FAM193A: variants seen among roughly 807,000 people sequenced by gnomAD.
FAM193A encodes the protein family with sequence similarity 193 member A.
Under a neutral mutation model 126.5 loss-of-function variants are expected in FAM193A, and 22 were observed. The observed-to-expected ratio is 0.17, with a 90% CI of 0.12 to 0.25. The LOEUF is 0.25. FAM193A is among the 10% of genes least tolerant of loss of function. The pLI is 1.00. For missense variants in FAM193A, 1,675 were observed against 1,672.8 expected, an observed-to-expected ratio of 1.00 and a Z score of -0.02; for synonymous variants, 761 against 646.8, an observed-to-expected ratio of 1.18 and a Z score of -2.68.
chr4:2,584,426 A>C (rs1416129333), intron 1 of FAM193A, among the ~76,000 whole-genome samples: 1 of 131,238 alleles, frequency 7.6e-6, no homozygotes, highest in Non-Finnish European at 1.6e-5. Flanking sequence ...ATTCCGTCTC[A>C]AAAAAAAAAA....
intron 1 of FAM193A, among the ~76,000 whole-genome samples, chr4:2,549,893 A>G (rs1737804183): frequency 6.7e-6 from 1 of 148,338 alleles, no homozygotes; most frequent in Non-Finnish European, 1.5e-5. Context: ...GCACCTGGCT[A>G]ATTTTTTGTA....
chr4:2,617,672 A>G (rs554813027), intron 2 of FAM193A, among the ~76,000 whole-genome samples: 17 of 152,004 alleles, frequency 1.1e-4, no homozygotes, highest in South Asian at 2.1e-4. Context: ...TTCAGCCTCT[A>G]CTCTCAAAGA....
In FAM193A at chr4:2,663,156, TGAA is replaced by T. The variant is rs769042952; in HGVS notation, c.1952_1954del (p.Glu651del). The stretch of plus-strand genomic sequence containing the variant: ...GCAGTAGTTCCTCAGAAGCTGATGA[TGAA>T]GAAGCGGACGGCGAGAGTAGTGGGG... On this transcript the variant is annotated inframe_deletion, in exon 12 of 21. Transcript: ENST00000637812. 1 of 1,614,154 alleles carries T rather than the reference TGAA, an allele frequency of 6.2e-7. No individual in the cohort carries two copies. Among genetic ancestry groups the T allele is most frequent in the South Asian group, 1.1e-5 (1 of 91,082 alleles).
intron 13 of FAM193A, among the ~76,000 whole-genome samples, chr4:2,672,754 A>G (rs35497554): frequency 1.3e-5 from 2 of 152,314 alleles, no homozygotes; most frequent in Middle Eastern, 3.4e-3. Context: ...TGTGAATACA[A>G]CATGAGTCCT....
chr4:2,613,459 C>CTT (rs1330182508), intron 2 of FAM193A, among the ~76,000 whole-genome samples: 3 of 101,644 alleles, frequency 3.0e-5, no homozygotes, highest in African/African-American at 7.1e-5. Flanking sequence ...TGGTAGGTTT[C>CTT]TTTTTTTTTT....
chr4:2,696,633 AGGGCATTT>A lies in FAM193A; in HGVS notation c.3507+42_3507+49del, dbSNP rs1560581237. ...TCAGCACCTGGAGGCGCCAGGTCTG[AGGGCATTT>A]GAAGGTGCCGTGCCACGCCAGTCTC... is the stretch of plus-strand genomic sequence containing the variant. On this transcript the variant is annotated intron_variant, in intron 18 of 20. Coordinates refer to ENST00000637812, the MANE Select transcript of FAM193A (RefSeq NM_001366318.2). 2.6e-6 allele frequency: 4 copies of A among 1,535,106 alleles called. No individual in the cohort carries two copies. The Admixed American group carries it at 5.2e-5, about 20-fold the overall frequency.
chr4:2,584,216 A>G (rs1022130326), intron 1 of FAM193A, among the ~76,000 whole-genome samples: 8 of 152,128 alleles, frequency 5.3e-5, no homozygotes, highest in African/African-American at 1.7e-4. Context: ...ATCTCTCCCT[A>G]TGGAATCACC....
intron 6 of FAM193A, among the ~76,000 whole-genome samples, chr4:2,645,520 TTC>T (rs1403412929): frequency 1.3e-5 from 2 of 151,854 alleles, no homozygotes; most frequent in Non-Finnish European, 1.5e-5. Flanking sequence ...TTCTTTTTTT[TTC>T]TTTCTTTTTT....
chr4:2,690,305 G>A (rs1009090814), intron 14 of FAM193A, among the ~76,000 whole-genome samples: 3 of 152,156 alleles, frequency 2.0e-5, no homozygotes, highest in Non-Finnish European at 2.9e-5. Flanking sequence ...CCCACACCCA[G>A]CCCCTGCATG....
At chr4:2,676,511 G>A (rs757561477) in intron 13 of FAM193A, among the ~76,000 whole-genome samples, 6 of 152,142 alleles carry the variant, frequency 3.9e-5, no homozygotes, top group Non-Finnish European at 7.4e-5. Flanking sequence ...TTTGAATCAG[G>A]TTTGTTGTTG....
At chr4:2,629,711 G>C (rs1050018013) in intron 4 of FAM193A, among the ~76,000 whole-genome samples, 1 of 152,136 alleles carries the variant, frequency 6.6e-6, no homozygotes. Context: ...GGTTTCTCCT[G>C]GTGATGGGTT....
chr4:2,540,526 T>C (rs1441270610), intron 1 of FAM193A, among the ~76,000 whole-genome samples: 2 of 150,576 alleles, frequency 1.3e-5, no homozygotes, highest in Non-Finnish European at 2.9e-5. Context: ...GGGCGCCCTG[T>C]AGTCCCAGCT....
intron 5 of FAM193A, among the ~76,000 whole-genome samples, chr4:2,634,402 A>G (rs989080479): frequency 2.0e-5 from 3 of 152,130 alleles, no homozygotes; most frequent in Middle Eastern, 3.2e-3. Context: ...AATCCCCCCA[A>G]ATGAGCAGCT....
intron 17 of FAM193A, among the ~76,000 whole-genome samples, chr4:2,695,412 G>A (rs1716920093): frequency 6.6e-6 from 1 of 152,174 alleles, no homozygotes; most frequent in Non-Finnish European, 1.5e-5. Flanking sequence ...TCCATATGGT[G>A]GAACATTGTA....
Position 2,699,798 on chromosome 4 carries a change from A to G in FAM193A, c.3626A>G (p.Lys1209Arg). ...GAGGAAGAAGAGGAGGATCGTTTCAAGGAGGAATTTCAGCGGCTTCAGGAG... is the reference window on the plus strand; with the variant it reads ...GAGGAAGAAGAGGAGGATCGTTTCAGGGAGGAATTTCAGCGGCTTCAGGAG... ...EDEEEEEDRF[K>R]EEFQRLQELQ... Residue 1209 changes from lysine (K) to arginine (R), a missense_variant, in exon 19 of 21, where the codon AAG becomes AGG. By Grantham distance (26) the Lys-to-Arg change is conservative. Transcript: ENST00000637812. The G allele has an allele frequency of 6.2e-7, 1 of 1,613,924 alleles. No individual in the cohort carries two copies. The highest frequency in any genetic ancestry group is 8.5e-7 in the Non-Finnish European group (1 of 1,179,906).
intron 2 of FAM193A, among the ~76,000 whole-genome samples, chr4:2,606,244 G>T (rs1340200773): frequency 6.6e-6 from 1 of 151,612 alleles, no homozygotes; most frequent in African/African-American, 2.4e-5. Context: ...AGAGATGGGG[G>T]TTTCACCATC....
intron 1 of FAM193A, among the ~76,000 whole-genome samples, chr4:2,568,973 CTTTTTTTT>C (rs753557878): frequency 4.4e-5 from 4 of 90,722 alleles, no homozygotes; most frequent in Non-Finnish European, 7.7e-5. Context: ...TGTTGTTTTG[CTTTTTTTT>C]TTTTTTTTTT....
In FAM193A at chr4:2,606,818, G is replaced by A. The variant is rs76132211; in HGVS notation, c.501+10489G>A. 3.3e-3 allele frequency among the ~76,000 whole-genome samples: 495 copies of A among 152,288 alleles called. 2 individuals are homozygous for A. Among genetic ancestry groups the A allele is most frequent in the African/African-American group, 0.011 (473 of 41,554 alleles). ...CATCAGAAAGTTCTTTAAATGTTGA[G>A]TTTTCAAGCCCACAGTGGCAGGTGA... On this transcript the variant is annotated intron_variant, in intron 2 of 20. Coordinates refer to ENST00000637812, the MANE Select transcript of FAM193A (RefSeq NM_001366318.2).
At chr4:2,634,357 C>T (rs982497992) in intron 5 of FAM193A, among the ~76,000 whole-genome samples, 3 of 152,144 alleles carry the variant, frequency 2.0e-5, no homozygotes, top group Non-Finnish European at 4.4e-5. Context: ...CCTCTGGAAA[C>T]CTTCAATCTG....
Sources: allele counts gnomAD v4.1 joint callset (sites outside exome capture counted in the v4.1 genomes callset), GRCh38; gene constraint gnomAD v4.1.1; transcripts MANE v1.5; gene names NCBI Gene and HGNC (gene_info 2026-07-23, HGNC 2026-07-21).